CHRM2: variants seen among roughly 807,000 people sequenced by gnomAD.
CHRM2 encodes the protein muscarinic acetylcholine receptor M2.
In CHRM2, 8 loss-of-function variants were observed where a neutral mutation model predicts 25.0. The ratio of observed to expected loss-of-function variants is 0.32; its 90% CI spans 0.19 to 0.58. CHRM2 has a LOEUF of 0.58. CHRM2 is among the 20% of genes least tolerant of loss of function. The pLI is 0.88. For missense variants in CHRM2, 440 were observed against 567.1 expected, an observed-to-expected ratio of 0.78 and a Z score of 2.28; for synonymous variants, 202 against 205.7, an observed-to-expected ratio of 0.98 and a Z score of 0.15.
chr7:136,906,101 A>G (rs1216713935), intron 2 of CHRM2, among the ~76,000 whole-genome samples: 1 of 150,820 alleles, frequency 6.6e-6, no homozygotes, highest in African/African-American at 2.4e-5. Context: ...TACAATATGT[A>G]TGTATATATG....
chr7:136,898,244 C>T (rs1240285628), intron 2 of CHRM2, among the ~76,000 whole-genome samples: 2 of 152,036 alleles, frequency 1.3e-5, no homozygotes, highest in Non-Finnish European at 2.9e-5. Flanking sequence ...GCCTTATGTA[C>T]TTTGGGAATG....
intron 2 of CHRM2, among the ~76,000 whole-genome samples, chr7:136,961,966 T>C (rs943110446): frequency 5.3e-5 from 8 of 151,764 alleles, no homozygotes; most frequent in African/African-American, 1.9e-4. Flanking sequence ...CCAGAAGGAG[T>C]TCAGTGTTTT....
chr7:136,911,466 C>T lies in CHRM2; in HGVS notation c.-125+42048C>T, dbSNP rs138652331. Among the ~76,000 whole-genome samples, 29 of 151,996 alleles carry T rather than the reference C, an allele frequency of 1.9e-4. No individual in the cohort carries two copies. In the East Asian group the frequency reaches 5.1e-3, roughly 27 times the overall value. On this transcript the variant is annotated intron_variant, in intron 2 of 3. Transcript: ENST00000680005. ...ATTTAGTAACCTGCCCAGTGTCATA[C>T]AACTAGTTTCTGGCAGGGCTGGGAC...
chr7:136,967,919 C>G lies in CHRM2; in HGVS notation c.-124-24268C>G, dbSNP rs141058936. Among the ~76,000 whole-genome samples the G allele has an allele frequency of 5.6e-3, 844 of 151,818 alleles. 6 individuals carry two copies. Among genetic ancestry groups the G allele is most frequent in the Middle Eastern group, 0.034 (10 of 292 alleles). On this transcript the variant is annotated intron_variant, in intron 2 of 3. Transcript: ENST00000680005. ...TGGAAGTACTGTTAGGTTTCTAGTT[C>G]TGGTGTTGATTTTTTTTTTTACTCA...
At chr7:137,000,571 G>GGAAGGAAGGAAGGAAGGAAGGAAGGAAA (rs1221350235) in intron 3 of CHRM2, among the ~76,000 whole-genome samples, 12 of 148,672 alleles carry the variant, frequency 8.1e-5, no homozygotes, top group Non-Finnish European at 1.8e-4. Flanking sequence ...AAGGAAGGAA[G>GGAAGGAAGGAAGGAAGGAAGGAAGGAAA]GAAGGAAGGA....
At chr7:136,990,455 A>T (rs868351050) in intron 2 of CHRM2, among the ~76,000 whole-genome samples, 3 of 152,100 alleles carry the variant, frequency 2.0e-5, no homozygotes, top group Non-Finnish European at 2.9e-5. Flanking sequence ...GATGTCATAT[A>T]GTTGGATTCA....
At chr7:136,945,939 G>T (rs1800048443) in intron 2 of CHRM2, among the ~76,000 whole-genome samples, 1 of 152,044 alleles carries the variant, frequency 6.6e-6, no homozygotes, top group African/African-American at 2.4e-5. Context: ...TAGTGGAGAA[G>T]CAAATTCTAT....
At chr7:136,991,865 A>G (rs1295994130) in intron 2 of CHRM2, among the ~76,000 whole-genome samples, 1 of 152,146 alleles carries the variant, frequency 6.6e-6, no homozygotes, top group Non-Finnish European at 1.5e-5. Context: ...GGGTTACAAT[A>G]CTTACTATTA....
At chr7:136,893,681 G>A (rs1584708089) in intron 2 of CHRM2, among the ~76,000 whole-genome samples, 1 of 152,268 alleles carries the variant, frequency 6.6e-6, no homozygotes, top group East Asian at 1.9e-4. Flanking sequence ...AGAAGGTGTT[G>A]ACATTTCAAG....
Position 137,018,409 on chromosome 7 carries a change from A to C in CHRM2, c.*2143A>C, listed in dbSNP as rs1369605193. 4 of 151,898 alleles carry C rather than the reference A, an allele frequency of 2.6e-5. No individual in the cohort carries two copies. Among genetic ancestry groups the C allele is most frequent in the Non-Finnish European group, 5.9e-5 (4 of 67,918 alleles). The allele number at this position is 151,898 out of a possible 1,614,324, so 9.4% of individuals were successfully genotyped here. On this transcript the variant is annotated 3_prime_UTR_variant, in exon 4 of 4. Coordinates refer to ENST00000680005, the MANE Select transcript of CHRM2 (RefSeq NM_001006630.2). ...ACATGCACTTTTACATTTTAAATTCATATTTATTTTCATATTGTTTCTTCA... is the reference window on the plus strand; with the variant it reads ...ACATGCACTTTTACATTTTAAATTCCTATTTATTTTCATATTGTTTCTTCA...
At chr7:136,901,100 T>G (rs949175353) in intron 2 of CHRM2, among the ~76,000 whole-genome samples, 3 of 152,078 alleles carry the variant, frequency 2.0e-5, no homozygotes, top group African/African-American at 7.2e-5. Context: ...TTCTAATACT[T>G]TCTTCCTGCA....
At chr7:136,999,719 CTACATACAGGATAAGTAAATAG>C (rs1294559335) in intron 3 of CHRM2, among the ~76,000 whole-genome samples, 2 of 152,260 alleles carry the variant, frequency 1.3e-5, no homozygotes, top group East Asian at 3.9e-4. Flanking sequence ...GCTGTTTGTT[CTACATACAGGATAAGTAAATAG>C]TACAGATACT....
At chr7:136,952,331 CCTTT>C (rs1800461126) in intron 2 of CHRM2, among the ~76,000 whole-genome samples, 1 of 152,118 alleles carries the variant, frequency 6.6e-6, no homozygotes. Flanking sequence ...TCATTTTTCT[CCTTT>C]CTTCTTCTAT....
At chr7:136,887,507 G>C (rs1378791798) in intron 2 of CHRM2, among the ~76,000 whole-genome samples, 2 of 152,050 alleles carry the variant, frequency 1.3e-5, no homozygotes, top group African/African-American at 4.8e-5. Context: ...ATCTCACTGT[G>C]CCATTGCCTG....
At chr7:136,926,186 T>C (rs1206779465) in intron 2 of CHRM2, among the ~76,000 whole-genome samples, 1 of 152,128 alleles carries the variant, frequency 6.6e-6, no homozygotes, top group African/African-American at 2.4e-5. Flanking sequence ...CAGTGAGTCC[T>C]GATCATGCAC....
At chr7:136,939,863 A>G (rs961489011) in intron 2 of CHRM2, among the ~76,000 whole-genome samples, 1 of 152,252 alleles carries the variant, frequency 6.6e-6, no homozygotes, top group African/African-American at 2.4e-5. Context: ...ATTTATCTAT[A>G]TAAATTCATT....
At chr7:136,920,380 C>T (rs1798361549) in intron 2 of CHRM2, among the ~76,000 whole-genome samples, 1 of 152,152 alleles carries the variant, frequency 6.6e-6, no homozygotes, top group Non-Finnish European at 1.5e-5. Context: ...ATTCTGAACT[C>T]AAATGAGGTC....
At chr7:136,961,234 G>C (rs1392993727) in intron 2 of CHRM2, among the ~76,000 whole-genome samples, 4 of 152,092 alleles carry the variant, frequency 2.6e-5, no homozygotes, top group African/African-American at 9.7e-5. Context: ...TAAACTACAT[G>C]AGGTATTCAG....
chr7:136,944,973 T>C (rs1799987205), intron 2 of CHRM2, among the ~76,000 whole-genome samples: 2 of 152,242 alleles, frequency 1.3e-5, no homozygotes, highest in South Asian at 4.2e-4. Context: ...TGCATTATCA[T>C]TTCGATTTGC....
Sources: gnomAD v4.1 joint callset for allele counts (sites outside exome capture counted in the v4.1 genomes callset) on GRCh38, gnomAD v4.1.1 for gene constraint, MANE v1.5 for transcripts, NCBI Gene and HGNC (gene_info 2026-07-23, HGNC 2026-07-21) for gene names.